SMARCA4: variants seen among roughly 807,000 people sequenced by gnomAD.
The protein encoded by SMARCA4 is SWI/SNF-related matrix-associated actin-dependent regulator of chromatin subfamily A member 4.
SMARCA4 carries 31 observed loss-of-function variants against 193.9 expected under a neutral mutation model. The observed-to-expected ratio is 0.16, with a 90% CI of 0.12 to 0.22. The LOEUF (loss-of-function observed/expected upper bound fraction) is 0.22. Among genes scored for constraint, SMARCA4 ranks in the 10% least tolerant of loss-of-function variants. The pLI, the probability that SMARCA4 is intolerant of heterozygous loss-of-function variation, is 1.00. For synonymous variants in SMARCA4, 942 were observed against 933.1 expected, an observed-to-expected ratio of 1.01 and a Z score of -0.17; for missense variants, 1,148 against 2,296.0, an observed-to-expected ratio of 0.50 and a Z score of 10.22.
At chr19:11,053,139 G>A (rs2076351762) in intron 30 of SMARCA4, among the ~76,000 whole-genome samples, 1 of 152,076 alleles carries the variant, frequency 6.6e-6, no homozygotes, top group Non-Finnish European at 1.5e-5. Context: ...GGTGGCTCAC[G>A]CCTGTAATTC....
In SMARCA4 at chr19:11,033,379, G is replaced by A. The variant is rs2146650790; in HGVS notation, c.3636G>A (p.Glu1212=). ...LRLCTVNSVE[E]KILAAAKYKL... Reference sequence around the variant, plus strand: ...TCTGCACCGTCAACAGCGTGGAGGAGAAGATCCTAGCTGCAGCCAAGTACA... The same window carrying A: ...TCTGCACCGTCAACAGCGTGGAGGAAAAGATCCTAGCTGCAGCCAAGTACA... The change falls in exon 26 of 35, where the codon GAG becomes GAA. Residue 1212 remains glutamate (E), a synonymous_variant. Coordinates refer to ENST00000344626, the MANE Select transcript of SMARCA4 (RefSeq NM_003072.5). The surrounding 1 kb of genome is among the most constrained non-coding windows in gnomAD (Gnocchi z 9.8). 6.2e-7 allele frequency: 1 copy of A among 1,613,492 alleles called. No homozygotes were observed. Among genetic ancestry groups the A allele is most frequent in the Non-Finnish European group, 8.5e-7 (1 of 1,180,024 alleles).
intron 14 of SMARCA4, chr19:11,008,466 T>G (rs886106639): frequency 1.5e-4 from 47 of 316,630 alleles, no homozygotes; most frequent in Non-Finnish European, 2.5e-5. Flanking sequence ...GAACCTTCCC[T>G]CTTGGAGGTC....
chr19:11,003,490 G>A (rs1473105671), intron 13 of SMARCA4, 93 bp downstream of exon 13: 3 of 1,220,806 alleles, frequency 2.5e-6, no homozygotes, highest in Non-Finnish European at 3.7e-6. Flanking sequence ...CCCTGGCTGG[G>A]CATCTTGTGG....
rs1422361402 is a variant in SMARCA4, at chr19:11,062,039, A to G, written c.*223A>G. 3.4e-6 allele frequency: 2 copies of G among 586,938 alleles called. No individual in the cohort carries two copies. The highest frequency in any genetic ancestry group is 6.1e-6 in the Non-Finnish European group (2 of 326,718). The allele number at this position is 586,938 out of a possible 1,614,324, so 36.4% of individuals were successfully genotyped here. A position where few individuals can be genotyped will look rare whatever the true frequency, so the allele number is the denominator to read the frequency against. ...TGTAACAGCATTAACTGTCTTAAAGAGAGAGAGAGAGAATTCCGAATTGGG... is the reference window on the plus strand; with the variant it reads ...TGTAACAGCATTAACTGTCTTAAAGGGAGAGAGAGAGAATTCCGAATTGGG... On this transcript the variant is annotated 3_prime_UTR_variant, in exon 35 of 35. Transcript: ENST00000344626.
chr19:11,016,581 G>A (rs1568477418), intron 16 of SMARCA4, among the ~76,000 whole-genome samples: 2 of 152,252 alleles, frequency 1.3e-5, no homozygotes, highest in Admixed American at 1.3e-4. Flanking sequence ...TATTTATTTT[G>A]TTGCTTCAGT....
In SMARCA4 at chr19:11,059,790, C is replaced by T. The variant is rs765873407; in HGVS notation, c.4673C>T (p.Thr1558Ile). The T allele has an allele frequency of 8.1e-6, 13 of 1,604,332 alleles. No individual in the cohort carries two copies. The highest frequency in any genetic ancestry group is 2.3e-5 in the East Asian group (1 of 44,394). ...TCCATCGTCTTGCAGTCGGTCTTCA[C>T]CAGCGTGCGGCAGAAAATCGAGAAG... ...EDSIVLQSVFTSVRQKIEKED... is the reference protein window; with the variant it reads ...EDSIVLQSVFISVRQKIEKED... The change falls in exon 33 of 35, where the codon ACC becomes ATC. Residue 1558 changes from threonine to isoleucine, a missense_variant. This residue lies in a region of SMARCA4 where 105 missense variants were observed against 133.7 expected (regional missense o/e 0.79). Coordinates refer to ENST00000344626, the MANE Select transcript of SMARCA4 (RefSeq NM_003072.5).
chr19:10,986,855 G>T lies in SMARCA4; in HGVS notation c.761-50G>T. On this transcript the variant is annotated intron_variant, in intron 4 of 34. Coordinates refer to ENST00000344626, the MANE Select transcript of SMARCA4 (RefSeq NM_003072.5). The surrounding 1 kb of genome is among the most constrained non-coding windows in gnomAD (Gnocchi z 6.7). Reference sequence around the variant, plus strand: ...GGGCTGCCCACGGGGCTGGGCGCAGGCATAAACCTGGGACGCACTGTTTTC... The same window carrying T: ...GGGCTGCCCACGGGGCTGGGCGCAGTCATAAACCTGGGACGCACTGTTTTC... 6.7e-7 allele frequency: 1 copy of T among 1,490,920 alleles called. No individual in the cohort carries two copies. The highest frequency in any genetic ancestry group is 2.3e-5 in the East Asian group (1 of 44,322). 92.4% of individuals were successfully genotyped at this position (1,490,920 alleles called of 1,614,324 possible). A position where few individuals can be genotyped will look rare whatever the true frequency, so the allele number is the denominator to read the frequency against.
chr19:11,033,197 G>A lies in SMARCA4; in HGVS notation c.3547-93G>A, dbSNP rs543510068. On this transcript the variant is annotated intron_variant, in intron 25 of 34. Transcript: ENST00000344626. This position sits in a 1 kb window ranked among gnomAD's most constrained non-coding sequence, Gnocchi z 9.8. ...AGAATTGTCAGGCCGAGGGTGGCAC[G>A]CACAGCACACCTCTCCAGCTAGTGT... 69 of 967,370 alleles carry A rather than the reference G, an allele frequency of 7.1e-5. No individual in the cohort carries two copies. The African/African-American group carries it at 7.7e-4, about 11-fold the overall frequency. 59.9% of individuals were successfully genotyped at this position (967,370 alleles called of 1,614,324 possible). A position where few individuals can be genotyped will look rare whatever the true frequency, so the allele number is the denominator to read the frequency against.
At position 11,033,584 on chromosome 19, in the gene SMARCA4, T is replaced by A. The variant is rs1256230884; in HGVS notation, c.3774+67T>A. ...GTGGACGCGTGAGCGGCTTTCATTTTTGTTTTTTTACCTTTTTTGCACTCT... is the reference window on the plus strand; with the variant it reads ...GTGGACGCGTGAGCGGCTTTCATTTATGTTTTTTTACCTTTTTTGCACTCT... On this transcript the variant is annotated intron_variant, in intron 26 of 34. Coordinates refer to ENST00000344626, the MANE Select transcript of SMARCA4 (RefSeq NM_003072.5). This position sits in a 1 kb window ranked among gnomAD's most constrained non-coding sequence, Gnocchi z 9.8. The A allele has an allele frequency of 2.2e-6, 3 of 1,354,762 alleles. No individual in the cohort carries two copies. The African/African-American group carries it at 4.3e-5, about 19-fold the overall frequency. 83.9% of individuals were successfully genotyped at this position (1,354,762 alleles called of 1,614,324 possible).
chr19:11,060,920 C>G (rs912232397), intron 34 of SMARCA4, among the ~76,000 whole-genome samples: 1 of 152,134 alleles, frequency 6.6e-6, no homozygotes, highest in African/African-American at 2.4e-5. Flanking sequence ...ATGAAGTCCT[C>G]ATGTGGAGGG....
intron 34 of SMARCA4, among the ~76,000 whole-genome samples, chr19:11,061,268 A>G (rs1431417287): frequency 6.9e-6 from 1 of 144,944 alleles, no homozygotes; most frequent in Non-Finnish European, 1.5e-5. Flanking sequence ...TTTCACAGTC[A>G]GGAAGAACCA....
rs2146594118 is a variant in SMARCA4 at position 11,030,655 on chromosome 19, A to G, written c.3383-75A>G. 1 of 1,363,850 alleles carries G rather than the reference A, an allele frequency of 7.3e-7. No homozygotes were observed. The highest frequency in any genetic ancestry group is 1.0e-6 in the Non-Finnish European group (1 of 978,280). The allele number at this position is 1,363,850 out of a possible 1,614,324, so 84.5% of individuals were successfully genotyped here. A position where few individuals can be genotyped will look rare whatever the true frequency, so the allele number is the denominator to read the frequency against. On this transcript the variant is annotated intron_variant, in intron 24 of 34. Coordinates refer to ENST00000344626, the MANE Select transcript of SMARCA4 (RefSeq NM_003072.5). The surrounding 1 kb of genome is among the most constrained non-coding windows in gnomAD (Gnocchi z 5.5). ...TGCTGATCCTGCTCCTGCTCTCAGA[A>G]GCAGGTGTTCCTTGGTGTCCCCACT...
rs1057524313 is a variant in SMARCA4, at chr19:11,018,994, G to T, written c.2476G>T (p.Ala826Ser). 6 of 1,614,126 alleles carry T rather than the reference G, an allele frequency of 3.7e-6. No homozygotes were observed. The highest frequency in any genetic ancestry group is 1.3e-5 in the African/African-American group (1 of 75,060). ...SNWAYEFDKW[A>S]PSVVKVSYKG... ...CTGGGCGTACGAGTTTGACAAGTGGGCCCCCTCCGTGGTGAAGGTGTCTTA... is the reference window on the plus strand; with the variant it reads ...CTGGGCGTACGAGTTTGACAAGTGGTCCCCCTCCGTGGTGAAGGTGTCTTA... Residue 826 changes from alanine (A) to serine (S), a missense_variant, in exon 17 of 35, where the codon GCC becomes TCC. Physicochemically the swap from Ala to Ser is moderately conservative, Grantham distance 99 (BLOSUM62 1). Around this residue, in one of 17 missense-constraint regions of SMARCA4, gnomAD observed 54 missense variants for 123.3 expected, o/e 0.44. Transcript: ENST00000344626.
chr19:10,973,771 G>A (rs927474995), intron 1 of SMARCA4, among the ~76,000 whole-genome samples: 4 of 151,922 alleles, frequency 2.6e-5, no homozygotes, highest in Non-Finnish European at 4.4e-5. Flanking sequence ...GGGTTTCACC[G>A]TGTTAGCCAG....
At chr19:10,998,374 T>C (rs1444815877) in intron 11 of SMARCA4, among the ~76,000 whole-genome samples, 1 of 152,114 alleles carries the variant, frequency 6.6e-6, no homozygotes, top group Non-Finnish European at 1.5e-5. Context: ...TTTGAACCCC[T>C]GCCAAGGGAT....
At chr19:11,026,377 C>T (rs2090259620) in intron 23 of SMARCA4, 31 bp downstream of exon 23, 1 of 1,586,842 alleles carries the variant, frequency 6.3e-7, no homozygotes, top group Non-Finnish European at 8.7e-7. Context: ...ATGGGGTGGG[C>T]AGGTGGTCCA....
chr19:11,016,797 T>C (rs1238008787), intron 16 of SMARCA4, among the ~76,000 whole-genome samples: 1 of 152,214 alleles, frequency 6.6e-6, no homozygotes, highest in Non-Finnish European at 1.5e-5. Flanking sequence ...TCTTCTGTCC[T>C]TTGACACGCC....
At position 10,997,127 on chromosome 19, in the gene SMARCA4, G is replaced by C. The variant is rs111333642; in HGVS notation, c.1812+583G>C. Reference sequence around the variant, plus strand: ...CTCCGCCCCGCGAGTTCAATCAATTGTCCTGCCTCAGCCTCCTGAGTAGCT... The same window carrying C: ...CTCCGCCCCGCGAGTTCAATCAATTCTCCTGCCTCAGCCTCCTGAGTAGCT... On this transcript the variant is annotated intron_variant, in intron 11 of 34. Transcript: ENST00000344626. Among the ~76,000 whole-genome samples the C allele has an allele frequency of 5.0e-3, 752 of 151,882 alleles. 12 individuals carry two copies. Among genetic ancestry groups the C allele is most frequent in the African/African-American group, 0.015 (640 of 41,408 alleles).
In SMARCA4 at chr19:10,986,990, G is replaced by T. The variant is rs1263337559; in HGVS notation, c.846G>T (p.Lys282Asn). ...GCCAGCCTCCTGGAGGGCCTCCCAA[G>T]CCCTGGCCTGAAGGTGAGCTCCCTC... ...MPGQPPGGPP[K>N]PWPEGPMANA... Residue 282 changes from lysine to asparagine, a missense_variant, in exon 5 of 35, where the codon AAG becomes AAT. Lys to Asn is a moderately conservative substitution (Grantham distance 94). Transcript: ENST00000344626. This position sits in a 1 kb window ranked among gnomAD's most constrained non-coding sequence, Gnocchi z 6.7. 1.2e-6 allele frequency: 2 copies of T among 1,605,114 alleles called. No homozygotes were observed. Among genetic ancestry groups the T allele is most frequent in the Non-Finnish European group, 8.5e-7 (1 of 1,179,454 alleles).
Sources: allele counts gnomAD v4.1 joint callset (sites outside exome capture counted in the v4.1 genomes callset), GRCh38; gene constraint gnomAD v4.1.1; regional missense constraint gnomAD v4.1.1; non-coding constraint Gnocchi (gnomAD v3.1); transcripts MANE v1.5; gene names NCBI Gene and HGNC (gene_info 2026-07-23, HGNC 2026-07-21).